The following KCND3 variants were observed in gnomAD, a reference collection of about 807,000 sequenced individuals.
KCND3 encodes potassium voltage-gated channel subfamily D member 3, also known as A-type voltage-gated potassium channel KCND3.
In KCND3, 9 loss-of-function variants were observed where a neutral mutation model predicts 51.1. That is an observed-to-expected ratio of 0.18 (90% CI 0.11 to 0.31). The LOEUF is 0.31. Among genes scored for constraint, KCND3 ranks in the 10% least tolerant of loss-of-function variants. KCND3 has a pLI of 1.00. For synonymous variants in KCND3, 349 were observed against 368.0 expected (o/e 0.95, Z 0.59); for missense variants, 526 against 903.8 (o/e 0.58, Z 5.36).
chr1:111,786,916 C>G, intron 3 of KCND3, 28 bp downstream of exon 3: 2 of 1,613,192 alleles, frequency 1.2e-6, no homozygotes, highest in Non-Finnish European at 1.7e-6. Flanking sequence ...CTTTACACTG[C>G]CCCCGCTTCC....
At chr1:111,809,529 C>A (rs1343208986) in intron 2 of KCND3, among the ~76,000 whole-genome samples, 1 of 152,118 alleles carries the variant, frequency 6.6e-6, no homozygotes, top group African/African-American at 2.4e-5. Context: ...AGGATGGTCT[C>A]AATCTCCTGA....
intron 7 of KCND3, 52 bp downstream of exon 7, chr1:111,776,969 AATTCT>A (rs1011233362): frequency 6.2e-7 from 1 of 1,610,770 alleles, no homozygotes; most frequent in African/African-American, 1.3e-5. Context: ...GCAATTGTCT[AATTCT>A]GTGAATGGGA....
At chr1:111,820,469 C>A (rs1010056672) in intron 2 of KCND3, among the ~76,000 whole-genome samples, 9 of 152,182 alleles carry the variant, frequency 5.9e-5, no homozygotes, top group African/African-American at 1.9e-4. Context: ...CCAACATGCG[C>A]CTGTTGCCTT....
intron 2 of KCND3, among the ~76,000 whole-genome samples, chr1:111,882,351 TGCCCAGCAGG>T (rs1420429589): frequency 6.6e-6 from 1 of 152,190 alleles, no homozygotes; most frequent in African/African-American, 2.4e-5. Flanking sequence ...CCGGTTTGGA[TGCCCAGCAGG>T]GCCCAGTGGC....
At chr1:111,863,633 G>C (rs184241577) in intron 2 of KCND3, among the ~76,000 whole-genome samples, 6 of 152,354 alleles carry the variant, frequency 3.9e-5, no homozygotes, top group Admixed American at 6.5e-5. Context: ...TGAAGTAGGA[G>C]AGGCAGAGGT....
At chr1:111,959,750 G>A (rs1673532933) in intron 2 of KCND3, among the ~76,000 whole-genome samples, 1 of 152,186 alleles carries the variant, frequency 6.6e-6, no homozygotes, top group Admixed American at 6.5e-5. Flanking sequence ...CTAGTAGTGA[G>A]CCTCTTCCTC....
At chr1:111,811,964 G>T (rs1199886319) in intron 2 of KCND3, among the ~76,000 whole-genome samples, 1 of 152,204 alleles carries the variant, frequency 6.6e-6, no homozygotes, top group Non-Finnish European at 1.5e-5. Flanking sequence ...GGTGATGAAG[G>T]ACCAGTGAGA....
chr1:111,841,787 A>T (rs2101642966), intron 2 of KCND3, among the ~76,000 whole-genome samples: 1 of 152,296 alleles, frequency 6.6e-6, no homozygotes, highest in South Asian at 2.1e-4. Context: ...TTTTCTAGGC[A>T]TTTCCGTTTC....
At chr1:111,823,954 G>A (rs1666461902) in intron 2 of KCND3, among the ~76,000 whole-genome samples, 1 of 152,176 alleles carries the variant, frequency 6.6e-6, no homozygotes, top group African/African-American at 2.4e-5. Flanking sequence ...ATCTGCTTTA[G>A]TTGTAAACAG....
chr1:111,970,370 C>T (rs1414572931), intron 2 of KCND3, among the ~76,000 whole-genome samples: 2 of 152,226 alleles, frequency 1.3e-5, no homozygotes, highest in Admixed American at 6.5e-5. Flanking sequence ...TTCACAGATA[C>T]GTCTTTGGCC....
intron 2 of KCND3, among the ~76,000 whole-genome samples, chr1:111,900,433 C>T (rs1409549813): frequency 6.6e-6 from 1 of 152,192 alleles, no homozygotes; most frequent in African/African-American, 2.4e-5. Context: ...CAGCCTCCAC[C>T]CTGCAAACTA....
At chr1:111,855,239 C>T (rs538620410) in intron 2 of KCND3, among the ~76,000 whole-genome samples, 75 of 152,316 alleles carry the variant, frequency 4.9e-4, no homozygotes, top group African/African-American at 1.7e-3. Flanking sequence ...CTGCAGTGCC[C>T]CAGAATGTCC....
rs1571617221 is a variant in KCND3, at chr1:111,773,394, T to C, written c.*2683A>G. On this transcript the variant is annotated 3_prime_UTR_variant, in exon 8 of 8. Transcript: ENST00000302127. The stretch of plus-strand genomic sequence containing the variant: ...GAAGTTTGTATGTGTGTGCAACCAG[T>C]TCTAATTTACCTCCTTTTTTTTTTT... The C allele has an allele frequency of 1.3e-5, 2 of 151,596 alleles. No individual in the cohort carries two copies. The highest frequency in any genetic ancestry group is 1.3e-4 in the Admixed American group (2 of 15,170). The allele number at this position is 151,596 out of a possible 1,614,324, so 9.4% of individuals were successfully genotyped here. A position where few individuals can be genotyped will look rare whatever the true frequency, so the allele number is the denominator to read the frequency against.
chr1:111,809,372 G>C (rs28684072), intron 2 of KCND3, among the ~76,000 whole-genome samples: 12,268 of 150,794 alleles, frequency 0.081, 868 homozygotes, highest in African/African-American at 0.18. Flanking sequence ...TCAGTGGCGC[G>C]ATCTTGGCTC....
intron 2 of KCND3, chr1:111,909,559 G>C (rs969789565): frequency 2.0e-5 from 3 of 152,202 alleles, no homozygotes; most frequent in African/African-American, 4.8e-5. Flanking sequence ...ACATATGAAG[G>C]ATATATGGGA....
chr1:111,915,265 A>G (rs1671142567), intron 2 of KCND3, among the ~76,000 whole-genome samples: 1 of 152,210 alleles, frequency 6.6e-6, no homozygotes, highest in Non-Finnish European at 1.5e-5. Context: ...AAACTCAATC[A>G]TATCAATAAT....
At chr1:111,884,771 G>A (rs1338524972) in intron 2 of KCND3, among the ~76,000 whole-genome samples, 1 of 152,220 alleles carries the variant, frequency 6.6e-6, no homozygotes, top group East Asian at 1.9e-4. Context: ...TTTAGAACCA[G>A]CATGGATTCA....
intron 2 of KCND3, among the ~76,000 whole-genome samples, chr1:111,976,113 A>G (rs562259761): frequency 6.6e-6 from 1 of 152,134 alleles, no homozygotes; most frequent in Non-Finnish European, 1.5e-5. Flanking sequence ...ATCAGAGACT[A>G]TTTTCTTCTC....
chr1:111,984,756 G>C (rs2102007581), intron 1 of KCND3, among the ~76,000 whole-genome samples: 1 of 152,200 alleles, frequency 6.6e-6, no homozygotes, highest in Admixed American at 6.5e-5. Flanking sequence ...CCTGTTCATG[G>C]ACAGACCCTG....
Sources: allele counts gnomAD v4.1 joint callset (sites outside exome capture counted in the v4.1 genomes callset), GRCh38; gene constraint gnomAD v4.1.1; transcripts MANE v1.5; gene names NCBI Gene and HGNC (gene_info 2026-07-23, HGNC 2026-07-21).